KCNH2: variants seen among roughly 807,000 people sequenced by gnomAD.
The protein encoded by KCNH2 is voltage-gated inwardly rectifying potassium channel KCNH2.
Under a neutral mutation model 95.9 loss-of-function variants are expected in KCNH2, and 35 were observed. The ratio of observed to expected loss-of-function variants is 0.37; its 90% CI spans 0.28 to 0.48. The LOEUF is 0.48. Among genes scored for constraint, KCNH2 ranks in the 20% least tolerant of loss-of-function variants. The probability of loss-of-function intolerance (pLI) is 0.99; values close to 1 mark genes in which losing one functional copy is unlikely to be tolerated. For missense variants in KCNH2, 1,274 were observed against 1,702.9 expected, an observed-to-expected ratio of 0.75 and a Z score of 4.43; for synonymous variants, 786 against 754.7, an observed-to-expected ratio of 1.04 and a Z score of -0.68.
chr7:150,967,297 T>C (rs1427766780), intron 2 of KCNH2, among the ~76,000 whole-genome samples: 1 of 152,098 alleles, frequency 6.6e-6, no homozygotes, highest in Non-Finnish European at 1.5e-5. Context: ...AATTAATTAA[T>C]AAATAAAGTT....
intron 4 of KCNH2, among the ~76,000 whole-genome samples, chr7:150,957,768 C>T (rs1405021650): frequency 6.6e-6 from 1 of 152,210 alleles, no homozygotes; most frequent in Non-Finnish European, 1.5e-5. Context: ...AGGTGGTGTT[C>T]GGAGGCTGGG....
At position 150,947,624 on chromosome 7, in the gene KCNH2, T is replaced by C; in HGVS notation, c.2947A>G (p.Thr983Ala). 1 of 1,612,738 alleles carries C rather than the reference T, an allele frequency of 6.2e-7. No individual in the cohort carries two copies. The highest frequency in any genetic ancestry group is 8.5e-7 in the Non-Finnish European group (1 of 1,179,552). ...LMEDCEKSSD[T>A]CNPLSGAFSG... ...GGGATACCTGACAGGGGGTTGCAAG[T>C]GTCGCTGCTCTTCTCGCAGTCCTCC... Residue 983 changes from threonine to alanine, a missense_variant, in exon 12 of 15, where the codon ACT becomes GCT. By Grantham distance (58) the Thr-to-Ala change is moderately conservative (BLOSUM62 0). Transcript: ENST00000262186.
rs1213743769 is a variant in KCNH2 at position 150,951,767 on chromosome 7, G to A, written c.1626C>T (p.Tyr542=). 1.9e-6 allele frequency: 3 copies of A among 1,604,580 alleles called. No individual in the cohort carries two copies. Among genetic ancestry groups the A allele is most frequent in the Non-Finnish European group, 2.6e-6 (3 of 1,172,500 alleles). The part of the protein sequence containing the change: ...LVRVARKLDR[Y]SEYGAAVLFL... ...ACAGCACGGCCGCGCCGTACTCTGAGTAGCGATCCAGCTTCCGCGCCACGC... is the reference window on the plus strand; with the variant it reads ...ACAGCACGGCCGCGCCGTACTCTGAATAGCGATCCAGCTTCCGCGCCACGC... The change falls in exon 7 of 15, where the codon TAC becomes TAT. Residue 542 remains tyrosine (Y), a synonymous_variant. Coordinates refer to ENST00000262186, the MANE Select transcript of KCNH2 (RefSeq NM_000238.4).
At chr7:150,948,677 A>C (rs1801017722) in intron 10 of KCNH2, 134 bp from the exon 11 acceptor site, 1 of 1,087,308 alleles carries the variant, frequency 9.2e-7, no homozygotes, top group East Asian at 2.5e-5. Context: ...CCCTGCCCCC[A>C]ATGTGATTTT....
chr7:150,974,565 T>G, intron 2 of KCNH2, 146 bp downstream of exon 2: 6 of 683,474 alleles, frequency 8.8e-6, no homozygotes, highest in Non-Finnish European at 1.2e-5. Context: ...CCCGCCCGCG[T>G]CACACCCCCA....
intron 2 of KCNH2, among the ~76,000 whole-genome samples, chr7:150,960,446 G>A (rs912969448): frequency 2.0e-5 from 3 of 152,164 alleles, no homozygotes; most frequent in Non-Finnish European, 2.9e-5. Flanking sequence ...GGCGTATGCC[G>A]CACACTACAG....
chr7:150,965,691 C>T (rs1801684572), intron 2 of KCNH2, among the ~76,000 whole-genome samples: 1 of 152,216 alleles, frequency 6.6e-6, no homozygotes, highest in African/African-American at 2.4e-5. Flanking sequence ...GAGAACTTGT[C>T]CAAACAATGC....
Position 150,948,536 on chromosome 7 carries a change from A to G in KCNH2, c.2600T>C (p.Met867Thr), listed in dbSNP as rs752020408. 2.1e-5 allele frequency: 34 copies of G among 1,613,506 alleles called. 1 individual carries two copies. Among genetic ancestry groups the G allele is most frequent in the Admixed American group, 1.2e-4 (7 of 60,006 alleles). The change falls in exon 11 of 15, where the codon ATG becomes ACG. Residue 867 changes from methionine to threonine, a missense_variant. Met to Thr is a moderately conservative substitution (Grantham distance 81). This residue lies in a region of KCNH2 where 159 missense variants were observed against 282.5 expected (regional missense o/e 0.56). Transcript: ENST00000262186. ...CGTACTGCCGGGGGAGCCCGGGATC[A>G]TGTTGGTCTGGAACCAAAATCAGTA... Reference protein sequence around the residue: ...EITFNLRDTNMIPGSPGSTEL... With the variant: ...EITFNLRDTNTIPGSPGSTEL...
At chr7:150,956,838 C>T (rs1801392040) in intron 5 of KCNH2, among the ~76,000 whole-genome samples, 1 of 152,162 alleles carries the variant, frequency 6.6e-6, no homozygotes, top group Non-Finnish European at 1.5e-5. Flanking sequence ...GAATTAGGAC[C>T]CTCCTGTCCT....
rs1563144057 is a variant in KCNH2, at chr7:150,946,847, G to A, written c.3330+30C>T. On this transcript the variant is annotated intron_variant, in intron 14 of 14. Transcript: ENST00000262186. This position sits in a 1 kb window ranked among gnomAD's most constrained non-coding sequence, Gnocchi z 6.5. ...GGAATCGGGGAACAAGCGGGTCACG[G>A]TACATCGAGGAAGCAGGGCTGGAGC... The A allele has an allele frequency of 7.6e-6, 12 of 1,585,996 alleles. No individual in the cohort carries two copies. The highest frequency in any genetic ancestry group is 8.6e-6 in the Non-Finnish European group (10 of 1,161,340).
rs551829687 is a variant in KCNH2, at chr7:150,960,115, C to T, written c.308-379G>A. ...CCAGCACCTCTGCCTTTCCCTCAAGCGAGGCGCTGTAGCACAGTGCTTAAG... is the reference window on the plus strand; with the variant it reads ...CCAGCACCTCTGCCTTTCCCTCAAGTGAGGCGCTGTAGCACAGTGCTTAAG... On this transcript the variant is annotated intron_variant, in intron 2 of 14. Coordinates refer to ENST00000262186, the MANE Select transcript of KCNH2 (RefSeq NM_000238.4). Among the ~76,000 whole-genome samples, 11 of 151,676 alleles carry T rather than the reference C, an allele frequency of 7.3e-5. 1 individual carries two copies. The highest frequency in any genetic ancestry group is 2.1e-4 in the South Asian group (1 of 4,774).
chr7:150,950,923 C>T lies in KCNH2; in HGVS notation c.2143G>A (p.Ala715Thr), dbSNP rs1363307614. Reference sequence around the variant, plus strand: ...TGGCCACGCTCTGGTGGCCTCACCGCGTTCATGTCGATGCCGTTGGTGTAG... The same window carrying T: ...TGGCCACGCTCTGGTGGCCTCACCGTGTTCATGTCGATGCCGTTGGTGTAG... ...WSYTNGIDMN[A>T]VLKGFPECLQ... is the part of the protein sequence containing the mutation. Residue 715 changes from alanine to threonine, a missense_variant and splice_region_variant, in exon 8 of 15, where the codon GCG (alanine) becomes ACG (threonine). Transcript: ENST00000262186. 4.3e-6 allele frequency: 7 copies of T among 1,613,958 alleles called. No individual in the cohort carries two copies. Among genetic ancestry groups the T allele is most frequent in the East Asian group, 2.2e-5 (1 of 44,874 alleles).
intron 6 of KCNH2, 52 bp from the exon 7 acceptor site, chr7:150,951,887 G>A (rs1434741088): frequency 2.0e-6 from 3 of 1,498,270 alleles, no homozygotes; most frequent in South Asian, 2.6e-5. Context: ...GGGGGCAAGG[G>A]AGGAGGGGAG....
chr7:150,946,848 T>TACATCG lies in KCNH2; in HGVS notation c.3330+23_3330+28dup. ...GAATCGGGGAACAAGCGGGTCACGG[T>TACATCG]ACATCGAGGAAGCAGGGCTGGAGCT... On this transcript the variant is annotated intron_variant, in intron 14 of 14. Coordinates refer to ENST00000262186, the MANE Select transcript of KCNH2 (RefSeq NM_000238.4). This position sits in a 1 kb window ranked among gnomAD's most constrained non-coding sequence, Gnocchi z 6.5. 1.3e-6 allele frequency: 2 copies of TACATCG among 1,586,206 alleles called. No individual in the cohort carries two copies. Among genetic ancestry groups the TACATCG allele is most frequent in the Non-Finnish European group, 1.7e-6 (2 of 1,161,936 alleles).
At chr7:150,969,250 A>G (rs925706911) in intron 2 of KCNH2, among the ~76,000 whole-genome samples, 25 of 152,188 alleles carry the variant, frequency 1.6e-4, no homozygotes, top group Admixed American at 8.5e-4. Flanking sequence ...TCCCTCCCAT[A>G]AAGTGACGGA....
Position 150,945,388 on chromosome 7 carries a change from G to A in KCNH2, c.3457C>T (p.His1153Tyr), listed in dbSNP as rs199473035. 7.3e-5 allele frequency: 116 copies of A among 1,590,340 alleles called. No homozygotes were observed. Among genetic ancestry groups the A allele is most frequent in the Middle Eastern group, 1.8e-4 (1 of 5,694 alleles). ...GALTSQPLHR[H>Y]GSDPGS ...CACTAACTGCCCGGGTCCGAGCCGTGTCTGTGCAGGGGCTGGGAGGTGAGG... is the reference window on the plus strand; with the variant it reads ...CACTAACTGCCCGGGTCCGAGCCGTATCTGTGCAGGGGCTGGGAGGTGAGG... Residue 1153 changes from histidine (H) to tyrosine (Y), a missense_variant, in exon 15 of 15, where the codon CAC (histidine) becomes TAC (tyrosine). By Grantham distance (83) the His-to-Tyr change is moderately conservative (BLOSUM62 2). Around this residue, in one of 7 missense-constraint regions of KCNH2, gnomAD observed 457 missense variants for 416.1 expected, o/e 1.10. Transcript: ENST00000262186. The surrounding 1 kb of genome is among the most constrained non-coding windows in gnomAD (Gnocchi z 5.6).
chr7:150,975,621 TA>T (rs1395622488), intron 1 of KCNH2, among the ~76,000 whole-genome samples: 1 of 152,288 alleles, frequency 6.6e-6, no homozygotes, highest in African/African-American at 2.4e-5. Flanking sequence ...GACAACCCCA[TA>T]AGGTAGGTGT....
At position 150,952,654 on chromosome 7, in the gene KCNH2, G is replaced by T. The variant is rs755304105; in HGVS notation, c.1328C>A (p.Thr443Asn). 3 of 1,614,126 alleles carry T rather than the reference G, an allele frequency of 1.9e-6. No homozygotes were observed. Among genetic ancestry groups the T allele is most frequent in the Non-Finnish European group, 2.5e-6 (3 of 1,180,054 alleles). The change falls in exon 6 of 15, where the codon ACC (threonine) becomes AAC (asparagine). Residue 443 changes from threonine (T) to asparagine (N), a missense_variant. Around this residue, in one of 7 missense-constraint regions of KCNH2, gnomAD observed 147 missense variants for 344.4 expected, o/e 0.43. Coordinates refer to ENST00000262186, the MANE Select transcript of KCNH2 (RefSeq NM_000238.4). This position sits in a 1 kb window ranked among gnomAD's most constrained non-coding sequence, Gnocchi z 7.3. Reference sequence around the variant, plus strand: ...CGGCTGGCAGGCGTAGCCACACTCGGTAGCAGGCGGGCCTTCTTCCGTCTC... The same window carrying T: ...CGGCTGGCAGGCGTAGCCACACTCGTTAGCAGGCGGGCCTTCTTCCGTCTC... Reference protein sequence around the residue: ...LKETEEGPPATECGYACQPLA... With the variant: ...LKETEEGPPANECGYACQPLA...
chr7:150,976,261 A>G (rs1279511499), intron 1 of KCNH2, among the ~76,000 whole-genome samples: 1 of 151,932 alleles, frequency 6.6e-6, no homozygotes, highest in Non-Finnish European at 1.5e-5. Context: ...AGATAGGCCC[A>G]GGCCATCAGG....
Sources: allele counts gnomAD v4.1 joint callset (sites outside exome capture counted in the v4.1 genomes callset), GRCh38; gene constraint gnomAD v4.1.1; regional missense constraint gnomAD v4.1.1; non-coding constraint Gnocchi (gnomAD v3.1); transcripts MANE v1.5; gene names NCBI Gene and HGNC (gene_info 2026-07-23, HGNC 2026-07-21).